PHC2: variants seen among roughly 807,000 people sequenced by gnomAD.
PHC2 encodes the protein polyhomeotic homolog 2, also known as polyhomeotic-like protein 2.
Under a neutral mutation model 87.4 loss-of-function variants are expected in PHC2, and 29 were observed. The ratio of observed to expected loss-of-function variants is 0.33; its 90% CI spans 0.25 to 0.45. PHC2 has a LOEUF of 0.45. Among genes scored for constraint, PHC2 ranks in the 20% least tolerant of loss-of-function variants. The pLI, the probability that PHC2 is intolerant of heterozygous loss-of-function variation, is 1.00. For missense variants in PHC2, 857 were observed against 1,136.7 expected (o/e 0.75, Z 3.54); for synonymous variants, 438 against 461.7 (o/e 0.95, Z 0.66).
At chr1:33,346,970 A>C in intron 9 of PHC2, 1 of 985,486 alleles carries the variant, frequency 1.0e-6, no homozygotes, top group Non-Finnish European at 1.2e-6. Flanking sequence ...ATACAAGGCC[A>C]GAGGTAAGAA....
intron 1 of PHC2, among the ~76,000 whole-genome samples, chr1:33,400,164 T>A (rs1419394808): frequency 6.6e-6 from 1 of 152,200 alleles, no homozygotes; most frequent in Non-Finnish European, 1.5e-5. Context: ...GTAAGGTGAG[T>A]AATATACTTC....
rs1646927614 is a variant in PHC2 at position 33,349,808 on chromosome 1, G to A, written c.1558+4593C>T. The A allele has an allele frequency of 5.1e-6, 5 of 977,108 alleles. No individual in the cohort carries two copies. Among genetic ancestry groups the A allele is most frequent in the South Asian group, 4.6e-5 (1 of 21,844 alleles). 60.5% of individuals were successfully genotyped at this position (977,108 alleles called of 1,614,324 possible). A position where few individuals can be genotyped will look rare whatever the true frequency, so the allele number is the denominator to read the frequency against. Reference sequence around the variant, plus strand: ...CGGGGCGCGAGGCCGGGACGGGGGCGCGAGGCCGGGGCGGGAGCGCGGGCG... The same window carrying A: ...CGGGGCGCGAGGCCGGGACGGGGGCACGAGGCCGGGGCGGGAGCGCGGGCG... On this transcript the variant is annotated intron_variant, in intron 9 of 14. Transcript: ENST00000683057. The surrounding 1 kb of genome is among the most constrained non-coding windows in gnomAD (Gnocchi z 4.2).
chr1:33,328,551 A>G, intron 14 of PHC2, among the ~76,000 whole-genome samples: 1 of 135,952 alleles, frequency 7.4e-6, no homozygotes, highest in African/African-American at 2.5e-5. Context: ...CACATATCCT[A>G]CACTCTACCT....
At chr1:33,393,196 G>A (rs1043235162) in intron 1 of PHC2, among the ~76,000 whole-genome samples, 2 of 152,064 alleles carry the variant, frequency 1.3e-5, no homozygotes, top group African/African-American at 2.4e-5. Context: ...GAGCAACCTC[G>A]AATACTCTGA....
At chr1:33,327,881 A>G (rs1340890487) in intron 14 of PHC2, among the ~76,000 whole-genome samples, 4 of 152,252 alleles carry the variant, frequency 2.6e-5, no homozygotes, top group Non-Finnish European at 4.4e-5. Context: ...TTGTAACCTC[A>G]TAAGACACCT....
chr1:33,349,081 C>G lies in PHC2; in HGVS notation c.1558+5320G>C, dbSNP rs1646902699. On this transcript the variant is annotated intron_variant, in intron 9 of 14. Coordinates refer to ENST00000683057, the MANE Select transcript of PHC2 (RefSeq NM_001385109.1). The surrounding 1 kb of genome is among the most constrained non-coding windows in gnomAD (Gnocchi z 4.2). ...CATTTGGCATAGGAAGGAGAGAAAA[C>G]GCTCTTCTAAAAATGGAAGAAAAGA... 1.0e-6 allele frequency: 1 copy of G among 985,334 alleles called. No homozygotes were observed. The highest frequency in any genetic ancestry group is 1.2e-6 in the Non-Finnish European group (1 of 829,840). 61.0% of individuals were successfully genotyped at this position (985,334 alleles called of 1,614,324 possible). A position where few individuals can be genotyped will look rare whatever the true frequency, so the allele number is the denominator to read the frequency against.
At position 33,368,481 on chromosome 1, in the gene PHC2, G is replaced by T; in HGVS notation, c.663+55C>A. On this transcript the variant is annotated intron_variant, in intron 6 of 14. Transcript: ENST00000683057. The surrounding 1 kb of genome is among the most constrained non-coding windows in gnomAD (Gnocchi z 6.6). Reference sequence around the variant, plus strand: ...CCTTGTGCCCCTCCCCAGTATCAGTGCCCCTCTACAGGGGTGCCCACCCCC... The same window carrying T: ...CCTTGTGCCCCTCCCCAGTATCAGTTCCCCTCTACAGGGGTGCCCACCCCC... 1.1e-6 allele frequency: 1 copy of T among 899,948 alleles called. No individual in the cohort carries two copies. Among genetic ancestry groups the T allele is most frequent in the Non-Finnish European group, 1.7e-6 (1 of 595,526 alleles). The allele number at this position is 899,948 out of a possible 1,614,324, so 55.7% of individuals were successfully genotyped here. A position where few individuals can be genotyped will look rare whatever the true frequency, so the allele number is the denominator to read the frequency against.
In PHC2 at chr1:33,368,583, G is replaced by A; in HGVS notation, c.616C>T (p.Pro206Ser). 6.4e-7 allele frequency: 1 copy of A among 1,550,764 alleles called. No homozygotes were observed. ...GCGGGGGAGCCAGTGCCGAGCTCAGGCTGCACAGTAGCGACGGTGGCCGTG... is the reference window on the plus strand; with the variant it reads ...GCGGGGGAGCCAGTGCCGAGCTCAGACTGCACAGTAGCGACGGTGGCCGTG... Reference protein sequence around the residue: ...TPTATVATVQPELGTGSPARP... With the variant: ...TPTATVATVQSELGTGSPARP... The change falls in exon 6 of 15, where the codon CCT becomes TCT. Residue 206 changes from proline (P) to serine (S), a missense_variant. Transcript: ENST00000683057. This position sits in a 1 kb window ranked among gnomAD's most constrained non-coding sequence, Gnocchi z 6.6.
chr1:33,342,438 C>T (rs1452306378), intron 9 of PHC2, among the ~76,000 whole-genome samples: 3 of 152,190 alleles, frequency 2.0e-5, no homozygotes, highest in Non-Finnish European at 4.4e-5. Context: ...TGTACATAAG[C>T]TGAATTGTAA....
chr1:33,418,795 A>C (rs1165405245), intron 1 of PHC2, among the ~76,000 whole-genome samples: 1 of 152,248 alleles, frequency 6.6e-6, no homozygotes, highest in Non-Finnish European at 1.5e-5. Context: ...AGAAGAGAAA[A>C]AATATTAAAG....
intron 9 of PHC2, chr1:33,346,113 A>G: frequency 1.0e-6 from 1 of 985,364 alleles, no homozygotes; most frequent in Non-Finnish European, 1.2e-6. Flanking sequence ...CCATGAAACA[A>G]GGTGTTAAGT....
At chr1:33,383,385 G>A (rs888945603) in intron 1 of PHC2, among the ~76,000 whole-genome samples, 1 of 152,112 alleles carries the variant, frequency 6.6e-6, no homozygotes, top group African/African-American at 2.4e-5. Context: ...TGAAGGATGA[G>A]GAATTAAAGC....
chr1:33,424,894 A>C (rs1269750770), intron 1 of PHC2, among the ~76,000 whole-genome samples: 1 of 152,210 alleles, frequency 6.6e-6, no homozygotes, highest in African/African-American at 2.4e-5. Context: ...GAAATGATGA[A>C]TCAGGCCTAA....
intron 9 of PHC2, among the ~76,000 whole-genome samples, chr1:33,341,716 G>A (rs752783032): frequency 3.3e-5 from 5 of 152,214 alleles, no homozygotes; most frequent in South Asian, 2.1e-4. Context: ...TTACGTGTGC[G>A]TCTCAAGTAC....
chr1:33,417,882 C>G (rs1650275036), intron 1 of PHC2, among the ~76,000 whole-genome samples: 1 of 152,076 alleles, frequency 6.6e-6, no homozygotes, highest in South Asian at 2.1e-4. Context: ...AAAGCATATT[C>G]TCTAAGCATA....
chr1:33,345,635 C>T, intron 9 of PHC2: 8 of 983,546 alleles, frequency 8.1e-6, no homozygotes, highest in Non-Finnish European at 9.7e-6. Context: ...ACTAGTAATT[C>T]TAAATTGTAT....
At chr1:33,371,225 G>A in intron 3 of PHC2, 131 bp from the exon 4 acceptor site, 1 of 710,198 alleles carries the variant, frequency 1.4e-6, no homozygotes, top group Non-Finnish European at 2.5e-6. Flanking sequence ...CCCCCAACCT[G>A]CCTCTATGTG....
intron 7 of PHC2, among the ~76,000 whole-genome samples, chr1:33,360,494 A>G (rs1335937052): frequency 6.6e-6 from 1 of 152,230 alleles, no homozygotes; most frequent in Non-Finnish European, 1.5e-5. Context: ...AAATTGCTCA[A>G]CCTCTCTGTA....
chr1:33,347,972 G>A (rs1340049997), intron 9 of PHC2: 1 of 152,340 alleles, frequency 6.6e-6, no homozygotes, highest in Non-Finnish European at 1.5e-5. Flanking sequence ...ACTCCCAAAT[G>A]TAGATCCAGA....
Sources: gnomAD v4.1 joint callset for allele counts (sites outside exome capture counted in the v4.1 genomes callset) on GRCh38, gnomAD v4.1.1 for gene constraint, Gnocchi (gnomAD v3.1) non-coding constraint, MANE v1.5 for transcripts, NCBI Gene and HGNC (gene_info 2026-07-23, HGNC 2026-07-21) for gene names.